The following CPA6 variants were observed in gnomAD, a reference collection of about 807,000 sequenced individuals.
CPA6 encodes the protein carboxypeptidase A6.
In CPA6, 58 loss-of-function variants were observed where a neutral mutation model predicts 63.3. The observed-to-expected ratio is 0.92, with a 90% confidence interval of 0.74 to 1.14. The LOEUF is 1.14. CPA6 is among the 50% of genes most tolerant of loss of function. The pLI, the probability that CPA6 is intolerant of heterozygous loss-of-function variation, is 0.00. For missense variants in CPA6, 565 were observed against 526.6 expected (o/e 1.07, Z -0.71); for synonymous variants, 185 against 179.0 (o/e 1.03, Z -0.27).
chr8:67,507,645 T>C (rs112814323), intron 5 of CPA6, among the ~76,000 whole-genome samples: 6 of 152,196 alleles, frequency 3.9e-5, no homozygotes, highest in Non-Finnish European at 7.4e-5. Context: ...AACATGAAAA[T>C]ACAAGGAATT....
intron 1 of CPA6, among the ~76,000 whole-genome samples, chr8:67,739,617 T>A (rs1410348311): frequency 6.6e-6 from 1 of 152,192 alleles, no homozygotes; most frequent in Non-Finnish European, 1.5e-5. Context: ...TTGCTTTGTT[T>A]ATTCAGGGTG....
At chr8:67,458,409 G>C (rs1810727104) in intron 8 of CPA6, among the ~76,000 whole-genome samples, 2 of 152,130 alleles carry the variant, frequency 1.3e-5, no homozygotes, top group African/African-American at 4.8e-5. Flanking sequence ...TGTTGGCCAG[G>C]CTGGTCTTGA....
At chr8:67,628,782 T>C (rs918633791) in intron 1 of CPA6, among the ~76,000 whole-genome samples, 1 of 152,206 alleles carries the variant, frequency 6.6e-6, no homozygotes, top group Non-Finnish European at 1.5e-5. Flanking sequence ...AACTAACTGA[T>C]AGAAGCAAGT....
At chr8:67,469,624 A>G (rs1811010337) in intron 8 of CPA6, among the ~76,000 whole-genome samples, 1 of 152,124 alleles carries the variant, frequency 6.6e-6, no homozygotes, top group African/African-American at 2.4e-5. Flanking sequence ...AAAGAAAGAA[A>G]TGACCAGCCC....
chr8:67,648,963 G>T (rs917625038), intron 1 of CPA6, among the ~76,000 whole-genome samples: 4 of 151,840 alleles, frequency 2.6e-5, no homozygotes, highest in African/African-American at 9.7e-5. Flanking sequence ...AGTTTGGTTT[G>T]GGGAGGGAAT....
At chr8:67,572,096 TA>T (rs1316775086) in intron 2 of CPA6, among the ~76,000 whole-genome samples, 18 of 152,202 alleles carry the variant, frequency 1.2e-4, no homozygotes, top group African/African-American at 4.1e-4. Context: ...GATAAATTCC[TA>T]AACATATACA....
chr8:67,657,734 T>C (rs1760959833), intron 1 of CPA6, among the ~76,000 whole-genome samples: 1 of 152,190 alleles, frequency 6.6e-6, no homozygotes, highest in Non-Finnish European at 1.5e-5. Flanking sequence ...CAATACCTTG[T>C]CTTCTCTTTC....
intron 1 of CPA6, among the ~76,000 whole-genome samples, chr8:67,717,504 C>T (rs1429931041): frequency 6.6e-6 from 1 of 152,222 alleles, no homozygotes; most frequent in East Asian, 1.9e-4. Flanking sequence ...CCACTAAGCA[C>T]TCCCAAGAGA....
chr8:67,495,079 G>C (rs1432099802), intron 6 of CPA6, among the ~76,000 whole-genome samples: 1 of 152,152 alleles, frequency 6.6e-6, no homozygotes, highest in East Asian at 1.9e-4. Context: ...CTAGTGCATA[G>C]TAGTAAACAC....
intron 8 of CPA6, among the ~76,000 whole-genome samples, chr8:67,435,867 T>G (rs1317054421): frequency 6.6e-6 from 1 of 151,354 alleles, no homozygotes; most frequent in Non-Finnish European, 1.5e-5. Flanking sequence ...GGCACAGGGC[T>G]TTGAATCAGG....
chr8:67,724,391 C>T lies in CPA6; in HGVS notation c.116+21623G>A, dbSNP rs143134093. Among the ~76,000 whole-genome samples the T allele has an allele frequency of 2.8e-4, 42 of 152,324 alleles. 1 individual carries two copies. Among genetic ancestry groups the T allele is most frequent in the Non-Finnish European group, 5.3e-4 (36 of 68,036 alleles). On this transcript the variant is annotated intron_variant, in intron 1 of 10. Coordinates refer to ENST00000297770, the MANE Select transcript of CPA6 (RefSeq NM_020361.5). The stretch of plus-strand genomic sequence containing the variant: ...TGCCCCCACGTCTCCCCTTTCAACT[C>T]TGCAGCGAACTTACAGCAGCTCAAT...
intron 4 of CPA6, 127 bp from the exon 5 acceptor site, chr8:67,509,745 G>A: frequency 2.0e-6 from 1 of 488,484 alleles, no homozygotes; most frequent in South Asian, 4.3e-5. Context: ...ATATAAAATT[G>A]AACAAAAAAC....
At chr8:67,502,994 T>C (rs937886543) in intron 6 of CPA6, among the ~76,000 whole-genome samples, 3 of 152,154 alleles carry the variant, frequency 2.0e-5, no homozygotes, top group Non-Finnish European at 4.4e-5. Flanking sequence ...TTGATAGTGC[T>C]GTTGAGTTCC....
intron 8 of CPA6, among the ~76,000 whole-genome samples, chr8:67,456,132 T>G (rs566695401): frequency 1.3e-5 from 2 of 152,346 alleles, no homozygotes; most frequent in South Asian, 4.1e-4. Flanking sequence ...GTCCTAAAGA[T>G]CTGAGGACAA....
intron 6 of CPA6, among the ~76,000 whole-genome samples, chr8:67,496,551 ATATATATT>A (rs1360897516): frequency 2.6e-5 from 3 of 113,272 alleles, no homozygotes; most frequent in African/African-American, 3.8e-5. Context: ...ATATATATAT[ATATATATT>A]TATTTTATTT....
chr8:67,708,037 T>C (rs980655436), intron 1 of CPA6, among the ~76,000 whole-genome samples: 1 of 152,208 alleles, frequency 6.6e-6, no homozygotes, highest in Admixed American at 6.5e-5. Context: ...GTAAAGAATG[T>C]TACTTTCTGA....
At chr8:67,449,459 C>T (rs567854284) in intron 8 of CPA6, among the ~76,000 whole-genome samples, 1 of 152,172 alleles carries the variant, frequency 6.6e-6, no homozygotes, top group East Asian at 1.9e-4. Flanking sequence ...TCCATATAAA[C>T]TTTATGATCA....
chr8:67,428,524 C>T (rs933526856), intron 9 of CPA6, among the ~76,000 whole-genome samples: 3 of 152,066 alleles, frequency 2.0e-5, no homozygotes, highest in African/African-American at 4.8e-5. Flanking sequence ...CGCTCTGTCG[C>T]CCAGGCTGGA....
intron 2 of CPA6, among the ~76,000 whole-genome samples, chr8:67,613,125 C>T (rs1031336237): frequency 6.6e-5 from 10 of 152,170 alleles, no homozygotes; most frequent in Admixed American, 3.3e-4. Flanking sequence ...CATAAAACTT[C>T]GTTAGTAATT....
Sources: allele counts gnomAD v4.1 joint callset (sites outside exome capture counted in the v4.1 genomes callset), GRCh38; gene constraint gnomAD v4.1.1; transcripts MANE v1.5; gene names NCBI Gene and HGNC (gene_info 2026-07-23, HGNC 2026-07-21).